Variants in CDH18 observed in about 807,000 individuals in gnomAD.
The protein encoded by CDH18 is cadherin-18.
A neutral mutation model predicts 67.9 loss-of-function variants in CDH18; 31 were observed. The observed-to-expected ratio is 0.46, with a 90% CI of 0.34 to 0.62. CDH18 has a LOEUF of 0.62. CDH18 is among the 20% of genes least tolerant of loss of function. The probability of loss-of-function intolerance (pLI) is 0.01; values close to 1 mark genes in which losing one functional copy is unlikely to be tolerated. For missense variants in CDH18, 890 were observed against 975.5 expected (o/e 0.91, Z 1.17); for synonymous variants, 362 against 347.2 (o/e 1.04, Z -0.48).
At chr5:19,743,280 A>C (rs950807723) in intron 4 of CDH18, among the ~76,000 whole-genome samples, 7 of 152,186 alleles carry the variant, frequency 4.6e-5, no homozygotes, top group African/African-American at 1.7e-4. Context: ...CAGAACACTA[A>C]CTGCTATAGA....
At chr5:19,818,369 A>G (rs1044327971) in intron 3 of CDH18, among the ~76,000 whole-genome samples, 2 of 152,184 alleles carry the variant, frequency 1.3e-5, no homozygotes, top group Non-Finnish European at 2.9e-5. Flanking sequence ...TAATATCTTA[A>G]GTAAAATTAT....
At chr5:19,988,825 T>G (rs1799809623), upstream of CDH18, among the ~76,000 whole-genome samples, 1 of 152,208 alleles carries the variant, frequency 6.6e-6, no homozygotes, top group Non-Finnish European at 1.5e-5. Flanking sequence ...GCTTGAGTGA[T>G]GTCCTTTAAC....
chr5:19,530,621 C>T (rs1371004949), intron 9 of CDH18, among the ~76,000 whole-genome samples: 5 of 151,836 alleles, frequency 3.3e-5, no homozygotes, highest in African/African-American at 1.2e-4. Flanking sequence ...GTGTGATGTT[C>T]CCCTTCCTGT....
At chr5:19,833,091 A>G (rs1193999093) in intron 3 of CDH18, among the ~76,000 whole-genome samples, 1 of 152,130 alleles carries the variant, frequency 6.6e-6, no homozygotes, top group Non-Finnish European at 1.5e-5. Context: ...TGGGAATAGC[A>G]TTGAATCTAC....
chr5:20,536,562 T>C (rs1305866137), intron 1 of CDH18, among the ~76,000 whole-genome samples: 1 of 152,172 alleles, frequency 6.6e-6, no homozygotes, highest in Non-Finnish European at 1.5e-5. Context: ...GCTTCTGAAC[T>C]ACTTCTTATG....
chr5:19,779,209 C>T (rs1316297182), intron 3 of CDH18, among the ~76,000 whole-genome samples: 1 of 152,096 alleles, frequency 6.6e-6, no homozygotes, highest in Non-Finnish European at 1.5e-5. Flanking sequence ...CAGAGACTCA[C>T]ATTAAGGATT....
intron 1 of CDH18, among the ~76,000 whole-genome samples, chr5:20,463,976 G>A (rs962704698): frequency 6.6e-6 from 1 of 151,884 alleles, no homozygotes; most frequent in Non-Finnish European, 1.5e-5. Flanking sequence ...ATATTCTGAT[G>A]GTATCATGAA....
chr5:19,997,650 A>G (rs1736118039), intron 2 of CDH18, among the ~76,000 whole-genome samples: 1 of 152,154 alleles, frequency 6.6e-6, no homozygotes, highest in East Asian at 1.9e-4. Flanking sequence ...TATACTTTAA[A>G]GTTTTCTATC....
chr5:19,879,356 T>C (rs1189352119), intron 2 of CDH18, among the ~76,000 whole-genome samples: 1 of 151,968 alleles, frequency 6.6e-6, no homozygotes, highest in African/African-American at 2.4e-5. Flanking sequence ...GGGGAGCACA[T>C]ATTAATACAT....
At chr5:20,186,446 CAAT>C (rs943937922) in intron 2 of CDH18, among the ~76,000 whole-genome samples, 14 of 151,814 alleles carry the variant, frequency 9.2e-5, no homozygotes, top group African/African-American at 2.2e-4. Context: ...ACAAGAACAA[CAAT>C]GAGAACAACA....
chr5:19,746,095 C>T lies in CDH18; in HGVS notation c.523+847G>A, dbSNP rs116182656. 8.3e-3 allele frequency among the ~76,000 whole-genome samples: 1,255 copies of T among 151,920 alleles called. 17 individuals are homozygous for T. Among genetic ancestry groups the T allele is most frequent in the African/African-American group, 0.028 (1,168 of 41,420 alleles). On this transcript the variant is annotated intron_variant, in intron 4 of 12. Coordinates refer to ENST00000382275, the MANE Select transcript of CDH18 (RefSeq NM_004934.5). The stretch of plus-strand genomic sequence containing the variant: ...AAGCTTAGAGTCTCATAAAGATAGT[C>T]GAAAAGTATTATCGTAGAAGAACCA...
At chr5:19,686,760 T>C (rs1761155505) in intron 5 of CDH18, among the ~76,000 whole-genome samples, 1 of 152,124 alleles carries the variant, frequency 6.6e-6, no homozygotes, top group Admixed American at 6.6e-5. Flanking sequence ...CTTTTCACAA[T>C]GTCACAGTAA....
chr5:20,071,461 G>T (rs908852080), intron 2 of CDH18, among the ~76,000 whole-genome samples: 7 of 151,792 alleles, frequency 4.6e-5, no homozygotes, highest in African/African-American at 7.3e-5. Context: ...GTGCATGTTG[G>T]TACAACCACA....
chr5:19,916,728 TTC>T (rs1466316331), intron 2 of CDH18, among the ~76,000 whole-genome samples: 1 of 152,204 alleles, frequency 6.6e-6, no homozygotes, highest in East Asian at 1.9e-4. Flanking sequence ...CAAATTTTTT[TTC>T]TGTTAAGTTC....
chr5:19,821,391 CCAAAAAA>C (rs1255341232), intron 3 of CDH18, among the ~76,000 whole-genome samples: 1 of 145,332 alleles, frequency 6.9e-6, no homozygotes, highest in East Asian at 2.0e-4. Flanking sequence ...ACCCAGTTAA[CCAAAAAA>C]CAAAAAACAA....
In CDH18 at chr5:20,332,752, A is replaced by T. The variant is rs541209784; in HGVS notation, c.-579-77247T>A. Among the ~76,000 whole-genome samples the T allele has an allele frequency of 2.0e-5, 3 of 152,320 alleles. No individual in the cohort carries two copies. The South Asian group carries it at 6.2e-4, about 32-fold the overall frequency. On this transcript the variant is annotated intron_variant, in intron 1 of 14. Coordinates refer to the CDH18 transcript ENST00000507958. ...ATACCTACATTTCATAAAAACTTAT[A>T]AAAACAAGATAATTATTTACCCAAT...
At chr5:20,104,667 C>T (rs937954149) in intron 2 of CDH18, among the ~76,000 whole-genome samples, 1 of 152,106 alleles carries the variant, frequency 6.6e-6, no homozygotes, top group African/African-American at 2.4e-5. Flanking sequence ...CTCCCATCCC[C>T]GAGAACCATT....
intron 5 of CDH18, among the ~76,000 whole-genome samples, chr5:19,696,081 T>C (rs1198825407): frequency 1.3e-5 from 2 of 152,198 alleles, no homozygotes; most frequent in African/African-American, 4.8e-5. Context: ...GGTTAAAATA[T>C]ATTCATGATA....
At chr5:20,487,378 A>G (rs548889909) in intron 1 of CDH18, among the ~76,000 whole-genome samples, 2 of 149,734 alleles carry the variant, frequency 1.3e-5, no homozygotes, top group South Asian at 4.2e-4. Context: ...AAACCTATAT[A>G]TGTATAAACC....
Sources: gnomAD v4.1 joint callset for allele counts (sites outside exome capture counted in the v4.1 genomes callset) on GRCh38, gnomAD v4.1.1 for gene constraint, MANE v1.5 for transcripts, NCBI Gene and HGNC (gene_info 2026-07-23, HGNC 2026-07-21) for gene names.